Variants in SV2C observed in about 807,000 individuals in gnomAD.
The protein encoded by SV2C is solute carrier family 22 member B3.
Under a neutral mutation model 79.7 loss-of-function variants are expected in SV2C, and 49 were observed. The observed-to-expected ratio is 0.61, with a 90% CI of 0.49 to 0.78. The LOEUF (loss-of-function observed/expected upper bound fraction) is 0.78. Ranked by LOEUF, SV2C falls within the 30% of genes least tolerant of loss-of-function variation. SV2C has a pLI of 0.00. For missense variants in SV2C, 833 were observed against 912.9 expected, an observed-to-expected ratio of 0.91 and a Z score of 1.13; for synonymous variants, 334 against 333.2, an observed-to-expected ratio of 1.00 and a Z score of -0.03.
At chr5:76,243,006 C>A (rs1324362367) in intron 4 of SV2C, among the ~76,000 whole-genome samples, 2 of 87,980 alleles carry the variant, frequency 2.3e-5, no homozygotes, top group Non-Finnish European at 4.2e-5. Flanking sequence ...AGATCGAGAC[C>A]CCATCTAAAA....
At chr5:76,149,505 C>A (rs1405010857) in intron 2 of SV2C, among the ~76,000 whole-genome samples, 1 of 152,182 alleles carries the variant, frequency 6.6e-6, no homozygotes, top group East Asian at 1.9e-4. Context: ...AGCCAAGAAG[C>A]AGCAGCACCC....
the SV2C span, chr5:75,910,948 C>A: frequency 1.1e-5 from 10 of 912,336 alleles, no homozygotes; most frequent in African/African-American, 1.5e-4. Context: ...GCAGCAGGCT[C>A]TCTTTAGTCA....
chr5:76,182,030 T>C lies in SV2C; in HGVS notation c.581-12889T>C, dbSNP rs150976332. 4.7e-3 allele frequency among the ~76,000 whole-genome samples: 716 copies of C among 152,292 alleles called. 9 individuals carry two copies. Among genetic ancestry groups the C allele is most frequent in the South Asian group, 0.026 (127 of 4,824 alleles). On this transcript the variant is annotated intron_variant, in intron 2 of 12. Transcript: ENST00000502798. The stretch of plus-strand genomic sequence containing the variant: ...CGTTAGACCTTCTCCAGGACTGTTG[T>C]GTAGTCCTGAAAGAAAGCAAAAATG...
upstream of SV2C, chr5:76,079,775 A>G (rs187017483): frequency 4.4e-4 from 102 of 232,774 alleles, 1 homozygote; most frequent in African/African-American, 2.0e-3. Context: ...CTGAAGATGA[A>G]TATCCCTTAA....
chr5:76,198,757 C>CT (rs1475408438), intron 3 of SV2C, among the ~76,000 whole-genome samples: 10 of 152,178 alleles, frequency 6.6e-5, no homozygotes, highest in Non-Finnish European at 1.0e-4. Context: ...TCTGGGAACT[C>CT]TGTTTCTGAA....
intron 12 of SV2C, 92 bp downstream of exon 12, chr5:76,301,637 G>A (rs769826479): frequency 1.1e-4 from 155 of 1,445,440 alleles, no homozygotes; most frequent in Middle Eastern, 1.0e-3. Context: ...GGCTGGGCAC[G>A]GTAGCTTATG....
chr5:75,882,018 A>C, the SV2C span, among the ~76,000 whole-genome samples: 1 of 149,860 alleles, frequency 6.7e-6, no homozygotes, highest in Non-Finnish European at 1.5e-5. Context: ...GTGTTGTTGA[A>C]TTTTGTCAAA....
chr5:76,064,328 C>T, the SV2C span, among the ~76,000 whole-genome samples: 1 of 152,144 alleles, frequency 6.6e-6, no homozygotes, highest in African/African-American at 2.4e-5. Context: ...GAGATGTGAG[C>T]CTTCCACAAG....
At chr5:76,230,083 C>G (rs75615068) in intron 4 of SV2C, among the ~76,000 whole-genome samples, 17,897 of 152,122 alleles carry the variant, frequency 0.12, 3,059 homozygotes, top group African/African-American at 0.38. Context: ...CAGGGCAGTA[C>G]TTTGCATCAA....
the SV2C span, among the ~76,000 whole-genome samples, chr5:76,016,705 A>T: frequency 6.6e-6 from 1 of 152,216 alleles, no homozygotes; most frequent in Non-Finnish European, 1.5e-5. Context: ...GCAGAAAGTA[A>T]CATAAAGCAT....
intron 1 of SV2C, among the ~76,000 whole-genome samples, chr5:76,114,850 A>G (rs1389019458): frequency 6.6e-6 from 1 of 152,224 alleles, no homozygotes; most frequent in Non-Finnish European, 1.5e-5. Flanking sequence ...CAGTATTATC[A>G]CTGCTGGCTG....
At chr5:76,087,515 C>T (rs1747238499) in intron 1 of SV2C, among the ~76,000 whole-genome samples, 1 of 152,122 alleles carries the variant, frequency 6.6e-6, no homozygotes, top group Non-Finnish European at 1.5e-5. Context: ...CCAAATAGAC[C>T]AGCGATTCTC....
intron 12 of SV2C, among the ~76,000 whole-genome samples, chr5:76,322,222 A>G (rs1279193342): frequency 6.6e-6 from 1 of 152,242 alleles, no homozygotes; most frequent in African/African-American, 2.4e-5. Context: ...CAAAAATCAC[A>G]AGCATTCCTT....
Position 76,330,603 on chromosome 5 carries a change from AAAT to A in SV2C, c.*5061_*5063del, listed in dbSNP as rs1351369036. ...AGTGTTATTTTTCCACATTTAAAACAAATAATAGCCTTCAGCAGGCAGTGCAGG... is the reference window on the plus strand; with the variant it reads ...AGTGTTATTTTTCCACATTTAAAACAAATAGCCTTCAGCAGGCAGTGCAGG... On this transcript the variant is annotated 3_prime_UTR_variant, in exon 13 of 13. Transcript: ENST00000502798. 6.8e-6 allele frequency: 1 copy of A among 148,100 alleles called. No individual in the cohort carries two copies. Among genetic ancestry groups the A allele is most frequent in the African/African-American group, 2.5e-5 (1 of 39,818 alleles). 9.2% of individuals were successfully genotyped at this position (148,100 alleles called of 1,614,324 possible).
chr5:76,195,362 A>G (rs898618380), intron 3 of SV2C, among the ~76,000 whole-genome samples: 2 of 152,214 alleles, frequency 1.3e-5, no homozygotes, highest in Admixed American at 1.3e-4. Context: ...TGCTGTTTCT[A>G]TGGTAGAACA....
chr5:76,090,824 T>G (rs1053620478), intron 1 of SV2C, among the ~76,000 whole-genome samples: 1 of 152,168 alleles, frequency 6.6e-6, no homozygotes, highest in Non-Finnish European at 1.5e-5. Flanking sequence ...AGGAGAAATA[T>G]CTGAGATGTT....
intron 2 of SV2C, among the ~76,000 whole-genome samples, chr5:76,179,198 G>T (rs193229964): frequency 6.6e-6 from 1 of 152,192 alleles, no homozygotes; most frequent in Non-Finnish European, 1.5e-5. Context: ...CAAGGTACAT[G>T]ATTTGGATGA....
At chr5:75,918,172 A>C in the SV2C span, among the ~76,000 whole-genome samples, 1 of 152,332 alleles carries the variant, frequency 6.6e-6, no homozygotes, top group Non-Finnish European at 1.5e-5. Context: ...AGCTTGTCTA[A>C]GGTCACAGAA....
At chr5:75,989,197 G>T in the SV2C span, among the ~76,000 whole-genome samples, 21 of 151,810 alleles carry the variant, frequency 1.4e-4, 1 homozygote, top group Admixed American at 9.9e-4. Flanking sequence ...GCGCAGGTCT[G>T]TTACATAAGT....
Sources: allele counts gnomAD v4.1 joint callset (sites outside exome capture counted in the v4.1 genomes callset), GRCh38; gene constraint gnomAD v4.1.1; transcripts MANE v1.5; gene names NCBI Gene and HGNC (gene_info 2026-07-23, HGNC 2026-07-21).